The following MBNL1 variants were observed in gnomAD, a reference collection of about 807,000 sequenced individuals.
MBNL1 encodes muscleblind-like protein 1.
In MBNL1, 8 loss-of-function variants were observed where a neutral mutation model predicts 42.2. The ratio of observed to expected loss-of-function variants is 0.19; its 90% CI spans 0.11 to 0.34. The LOEUF (loss-of-function observed/expected upper bound fraction) is 0.34. Ranked by LOEUF, MBNL1 falls within the 10% of genes least tolerant of loss-of-function variation. The pLI is 1.00. For synonymous variants in MBNL1, 169 were observed against 173.9 expected (o/e 0.97, Z 0.22); for missense variants, 309 against 495.3 (o/e 0.62, Z 3.57).
rs368147702 is a variant in MBNL1, at chr3:152,354,397, G to A, written c.174+54030G>A. On this transcript the variant is annotated intron_variant, in intron 2 of 9. Transcript: ENST00000324210. ...TTGATGCCATGAGGTGGAGGCTGCC[G>A]TGAGGCGTGGTGGTGCCATGGCCCT... 7.6e-4 allele frequency among the ~76,000 whole-genome samples: 115 copies of A among 152,260 alleles called. 3 individuals are homozygous for A. The South Asian group carries it at 0.022, about 30-fold the overall frequency.
chr3:152,372,910 C>T (rs559426323), intron 2 of MBNL1, among the ~76,000 whole-genome samples: 13 of 152,294 alleles, frequency 8.5e-5, no homozygotes, highest in East Asian at 5.8e-4. Flanking sequence ...CCGCCTCTTC[C>T]GCCAGGTCCT....
chr3:152,324,451 C>G (rs985247091), intron 2 of MBNL1, among the ~76,000 whole-genome samples: 15 of 152,112 alleles, frequency 9.9e-5, no homozygotes, highest in African/African-American at 3.6e-4. Context: ...AGTGCTGGAA[C>G]TGGTTTATGT....
chr3:152,460,836 A>T (rs1453098795), intron 9 of MBNL1, among the ~76,000 whole-genome samples: 3 of 152,214 alleles, frequency 2.0e-5, no homozygotes, highest in African/African-American at 7.2e-5. Flanking sequence ...ATTTATTAAC[A>T]TATTTACAAA....
chr3:152,328,274 T>C (rs1331283274), intron 2 of MBNL1, among the ~76,000 whole-genome samples: 3 of 152,128 alleles, frequency 2.0e-5, no homozygotes, highest in East Asian at 1.9e-4. Context: ...CTCCAAAGGA[T>C]CCTGTGACTG....
intron 2 of MBNL1, among the ~76,000 whole-genome samples, chr3:152,393,011 T>G (rs1166804326): frequency 6.6e-6 from 1 of 152,220 alleles, no homozygotes; most frequent in Non-Finnish European, 1.5e-5. Flanking sequence ...TGCTGCTATC[T>G]TATTGCTTCA....
At position 152,317,713 on chromosome 3, in the gene MBNL1, A is replaced by G. The variant is rs566056268; in HGVS notation, c.174+17346A>G. On this transcript the variant is annotated intron_variant, in intron 2 of 9. Coordinates refer to ENST00000324210, the MANE Select transcript of MBNL1 (RefSeq NM_021038.5). ...CTCTTTGAATTTCTAACTGATTCTTATTTATAAACCCATAGAATCTGTAAA... is the reference window on the plus strand; with the variant it reads ...CTCTTTGAATTTCTAACTGATTCTTGTTTATAAACCCATAGAATCTGTAAA... Among the ~76,000 whole-genome samples the G allele has an allele frequency of 2.8e-4, 43 of 152,256 alleles. No homozygotes were observed. The South Asian group carries it at 5.4e-3, about 19-fold the overall frequency.
At chr3:152,336,120 G>C (rs1407568369) in intron 2 of MBNL1, among the ~76,000 whole-genome samples, 1 of 150,676 alleles carries the variant, frequency 6.6e-6, no homozygotes, top group African/African-American at 2.4e-5. Flanking sequence ...CCTTTGTTTA[G>C]ATGATCTGAT....
At chr3:152,320,094 A>G (rs1285410065) in intron 2 of MBNL1, among the ~76,000 whole-genome samples, 3 of 152,176 alleles carry the variant, frequency 2.0e-5, no homozygotes, top group East Asian at 1.9e-4. Context: ...ACTTCTATAT[A>G]TATAGTGTTT....
At chr3:152,422,424 A>T (rs1303163902) in intron 3 of MBNL1, among the ~76,000 whole-genome samples, 1 of 152,214 alleles carries the variant, frequency 6.6e-6, no homozygotes, top group Admixed American at 6.5e-5. Flanking sequence ...ATATGCACCT[A>T]ATACAGAAGC....
At chr3:152,306,150 T>C (rs1204449561) in intron 2 of MBNL1, among the ~76,000 whole-genome samples, 3 of 152,212 alleles carry the variant, frequency 2.0e-5, no homozygotes, top group African/African-American at 7.2e-5. Context: ...TGTCCATCTT[T>C]AGAACTATTG....
intron 1 of MBNL1, among the ~76,000 whole-genome samples, chr3:152,278,430 T>C (rs940430820): frequency 4.6e-5 from 7 of 152,054 alleles, no homozygotes; most frequent in African/African-American, 9.7e-5. Flanking sequence ...AAAAAATAAT[T>C]TGAGAAGTGC....
chr3:152,437,386 A>ATTTGG (rs2099092836), intron 4 of MBNL1, among the ~76,000 whole-genome samples: 1 of 152,234 alleles, frequency 6.6e-6, no homozygotes, highest in Non-Finnish European at 1.5e-5. Context: ...TACTACAGAA[A>ATTTGG]AAAAATGTTA....
chr3:152,383,507 G>C (rs1323730328), intron 2 of MBNL1, among the ~76,000 whole-genome samples: 1 of 151,994 alleles, frequency 6.6e-6, no homozygotes, highest in African/African-American at 2.4e-5. Context: ...GAGAATTACT[G>C]TTCCATGAGT....
chr3:152,376,001 A>G (rs1444037283), intron 2 of MBNL1, among the ~76,000 whole-genome samples: 1 of 152,214 alleles, frequency 6.6e-6, no homozygotes, highest in Non-Finnish European at 1.5e-5. Context: ...TAGCCTTCAG[A>G]AAAATCTAAG....
At chr3:152,335,053 A>T in intron 2 of MBNL1, 14 of 1,239,954 alleles carry the variant, frequency 1.1e-5, no homozygotes, top group East Asian at 5.7e-5. Context: ...GCTGCTGCTA[A>T]TATTGCTGGG....
At chr3:152,414,643 A>G (rs1007546021) in intron 2 of MBNL1, among the ~76,000 whole-genome samples, 8 of 152,182 alleles carry the variant, frequency 5.3e-5, no homozygotes, top group Non-Finnish European at 8.8e-5. Flanking sequence ...ATGTTTTAGT[A>G]TTACCCTAGC....
chr3:152,371,335 T>C (rs1317862894), intron 2 of MBNL1, among the ~76,000 whole-genome samples: 1 of 152,194 alleles, frequency 6.6e-6, no homozygotes, highest in Non-Finnish European at 1.5e-5. Flanking sequence ...CCGTGGCTCA[T>C]GTGTGTAATC....
intron 2 of MBNL1, among the ~76,000 whole-genome samples, chr3:152,404,796 A>G (rs940928675): frequency 6.7e-6 from 1 of 149,786 alleles, no homozygotes; most frequent in Admixed American, 6.7e-5. Flanking sequence ...ACTATATATA[A>G]TTAATTTTTC....
Position 152,385,042 on chromosome 3 carries a change from A to G in MBNL1, c.175-29899A>G, listed in dbSNP as rs148347111. 3.6e-3 allele frequency among the ~76,000 whole-genome samples: 554 copies of G among 152,152 alleles called. 3 individuals are homozygous for G. The highest frequency in any genetic ancestry group is 0.013 in the African/African-American group (528 of 41,536). ...ATACTTTTTGTGTAACACAAGAGAG[A>G]TTATACATCCCTAGTAGAAATCTCA... is the stretch of plus-strand genomic sequence containing the variant. On this transcript the variant is annotated intron_variant, in intron 2 of 9. Coordinates refer to ENST00000324210, the MANE Select transcript of MBNL1 (RefSeq NM_021038.5).
Sources: allele counts gnomAD v4.1 joint callset (sites outside exome capture counted in the v4.1 genomes callset), GRCh38; gene constraint gnomAD v4.1.1; transcripts MANE v1.5; gene names NCBI Gene and HGNC (gene_info 2026-07-23, HGNC 2026-07-21).